The following WWC1 variants were observed in gnomAD, a reference collection of about 807,000 sequenced individuals.
WWC1 encodes the protein WW and C2 domain containing 1.
WWC1 carries 55 observed loss-of-function variants against 138.4 expected under a neutral mutation model. That is an observed-to-expected ratio of 0.40 (90% CI 0.32 to 0.50). The LOEUF (loss-of-function observed/expected upper bound fraction) is 0.50. WWC1 is among the 20% of genes least tolerant of loss of function. The probability of loss-of-function intolerance (pLI) is 0.72; values close to 1 mark genes in which losing one functional copy is unlikely to be tolerated. For synonymous variants in WWC1, 524 were observed against 564.9 expected (o/e 0.93, Z 1.03); for missense variants, 1,226 against 1,420.4 (o/e 0.86, Z 2.20).
chr5:168,464,451 C>T (rs1221403901), intron 20 of WWC1, among the ~76,000 whole-genome samples: 1 of 152,134 alleles, frequency 6.6e-6, no homozygotes, highest in Non-Finnish European at 1.5e-5. Context: ...CTGCATGCCT[C>T]ATCTGTGCAG....
At chr5:168,435,687 C>G (rs912210703) in intron 15 of WWC1, among the ~76,000 whole-genome samples, 5 of 152,196 alleles carry the variant, frequency 3.3e-5, no homozygotes, top group Non-Finnish European at 7.3e-5. Flanking sequence ...CTGGGGTTTA[C>G]AGGCGTGAGC....
intron 2 of WWC1, among the ~76,000 whole-genome samples, chr5:168,377,312 C>G (rs1777264058): frequency 6.6e-6 from 1 of 152,130 alleles, no homozygotes; most frequent in African/African-American, 2.4e-5. Context: ...TGTAAGACCT[C>G]AAACTATAAG....
chr5:168,453,548 C>CT (rs1016070023), intron 17 of WWC1, among the ~76,000 whole-genome samples: 1 of 151,200 alleles, frequency 6.6e-6, no homozygotes, highest in Non-Finnish European at 1.5e-5. Context: ...CATTAACAAT[C>CT]TTTTTTTTTG....
chr5:168,315,859 A>T lies in WWC1; in HGVS notation c.119+23588A>T, dbSNP rs139478759. Among the ~76,000 whole-genome samples the T allele has an allele frequency of 8.6e-4, 131 of 152,278 alleles. 1 individual carries two copies. The East Asian group carries it at 0.023, about 27-fold the overall frequency. On this transcript the variant is annotated intron_variant, in intron 1 of 22. Transcript: ENST00000265293. ...CAGAGGGCGAGCATCAGACCCAAGA[A>T]GAGGCCAAGGCTCTGGCTGGCAGGA...
At chr5:168,327,004 A>T (rs1772620603) in intron 1 of WWC1, among the ~76,000 whole-genome samples, 1 of 152,162 alleles carries the variant, frequency 6.6e-6, no homozygotes, top group Non-Finnish European at 1.5e-5. Flanking sequence ...GGCCATATGC[A>T]GGCCAGTGTC....
intron 3 of WWC1, among the ~76,000 whole-genome samples, chr5:168,387,013 C>T (rs1778097084): frequency 6.6e-6 from 1 of 152,184 alleles, no homozygotes; most frequent in African/African-American, 2.4e-5. Context: ...GCCAGACACT[C>T]TGCTATAGTC....
chr5:168,339,997 C>G (rs1172528844), intron 1 of WWC1, among the ~76,000 whole-genome samples: 1 of 101,966 alleles, frequency 9.8e-6, no homozygotes, highest in Non-Finnish European at 2.5e-5. Context: ...CTCTCTCTCT[C>G]TTTCTCTCTT....
At chr5:168,377,644 G>A (rs1016792446) in intron 2 of WWC1, among the ~76,000 whole-genome samples, 2 of 152,162 alleles carry the variant, frequency 1.3e-5, no homozygotes, top group South Asian at 4.1e-4. Context: ...CTTCTCAAAA[G>A]AAGACATAAA....
intron 19 of WWC1, among the ~76,000 whole-genome samples, chr5:168,457,085 C>G (rs1283827358): frequency 2.0e-5 from 3 of 150,394 alleles, no homozygotes; most frequent in Admixed American, 6.6e-5. Context: ...CCTGCAAAAT[C>G]ACAAATTAAG....
chr5:168,303,560 G>A (rs1416325530), intron 1 of WWC1, among the ~76,000 whole-genome samples: 1 of 152,136 alleles, frequency 6.6e-6, no homozygotes, highest in Non-Finnish European at 1.5e-5. Flanking sequence ...AGTGAGCCAT[G>A]TTTACATCAT....
At chr5:168,421,349 C>T (rs1781075809) in intron 9 of WWC1, among the ~76,000 whole-genome samples, 1 of 152,338 alleles carries the variant, frequency 6.6e-6, no homozygotes. Context: ...CACAGAGTCA[C>T]TTGACTGGAA....
In WWC1 at chr5:168,472,215, T is replaced by A. The variant is rs1194464341; in HGVS notation, c.*3198T>A. ...CTTCCAGCCATGGATGGAGTTGAAT[T>A]CTCTATAAACGGTTCACCAGCAAAC... On this transcript the variant is annotated 3_prime_UTR_variant, in exon 23 of 23. Transcript: ENST00000265293. 1.3e-5 allele frequency: 2 copies of A among 152,180 alleles called. No homozygotes were observed. Among genetic ancestry groups the A allele is most frequent in the Non-Finnish European group, 2.9e-5 (2 of 68,034 alleles). The allele number at this position is 152,180 out of a possible 1,614,324, so 9.4% of individuals were successfully genotyped here. A position where few individuals can be genotyped will look rare whatever the true frequency, so the allele number is the denominator to read the frequency against.
intron 15 of WWC1, among the ~76,000 whole-genome samples, chr5:168,437,739 A>G (rs1453459400): frequency 1.3e-5 from 2 of 152,218 alleles, no homozygotes; most frequent in Non-Finnish European, 2.9e-5. Context: ...GATAAACAGT[A>G]TATCTTGTTA....
chr5:168,371,023 G>A (rs1776714457), intron 1 of WWC1, among the ~76,000 whole-genome samples: 1 of 152,242 alleles, frequency 6.6e-6, no homozygotes. Flanking sequence ...AGGTGGGGTG[G>A]CTGAGTGCGT....
chr5:168,382,537 T>C (rs1193474988), intron 2 of WWC1, among the ~76,000 whole-genome samples: 2 of 152,204 alleles, frequency 1.3e-5, no homozygotes, highest in Admixed American at 1.3e-4. Flanking sequence ...GCTGAGCTGC[T>C]TTTTTCTGTG....
intron 2 of WWC1, among the ~76,000 whole-genome samples, chr5:168,374,271 G>A (rs1028711348): frequency 2.0e-5 from 3 of 152,150 alleles, no homozygotes; most frequent in Non-Finnish European, 2.9e-5. Flanking sequence ...TATGTAGTAT[G>A]TTAGAGAATG....
chr5:168,342,567 T>C (rs959182183), intron 1 of WWC1, among the ~76,000 whole-genome samples: 1 of 152,082 alleles, frequency 6.6e-6, no homozygotes, highest in Non-Finnish European at 1.5e-5. Context: ...CCTGAAGGCT[T>C]TGTAGGATCT....
chr5:168,440,772 C>T (rs1204136934), intron 15 of WWC1, among the ~76,000 whole-genome samples: 2 of 152,206 alleles, frequency 1.3e-5, no homozygotes, highest in Non-Finnish European at 2.9e-5. Context: ...CCACCTCAGC[C>T]TCCCAAAGTG....
In WWC1 at chr5:168,469,800, A is replaced by C. The variant is rs2152899942; in HGVS notation, c.*783A>C. ...CTTTTTCTTTCCTACCCCTCACTTC[A>C]TCTGTTTCCCTGATTTTTGACTCTC... On this transcript the variant is annotated 3_prime_UTR_variant, in exon 23 of 23. Transcript: ENST00000265293. The C allele has an allele frequency of 6.6e-6, 1 of 152,162 alleles. No individual in the cohort carries two copies. Among genetic ancestry groups the C allele is most frequent in the South Asian group, 2.1e-4 (1 of 4,808 alleles). 9.4% of individuals were successfully genotyped at this position (152,162 alleles called of 1,614,324 possible). A position where few individuals can be genotyped will look rare whatever the true frequency, so the allele number is the denominator to read the frequency against.
Sources: allele counts gnomAD v4.1 joint callset (sites outside exome capture counted in the v4.1 genomes callset), GRCh38; gene constraint gnomAD v4.1.1; transcripts MANE v1.5; gene names NCBI Gene and HGNC (gene_info 2026-07-23, HGNC 2026-07-21).